BTBD8: variants seen among roughly 807,000 people sequenced by gnomAD.
BTBD8 encodes the protein BTB/POZ domain-containing protein 8.
BTBD8 carries 110 observed loss-of-function variants against 162.9 expected under a neutral mutation model. The ratio of observed to expected loss-of-function variants is 0.68; its 90% CI spans 0.58 to 0.79. The LOEUF (loss-of-function observed/expected upper bound fraction) is 0.79. Among genes scored for constraint, BTBD8 ranks in the 30% least tolerant of loss-of-function variants. The probability of loss-of-function intolerance (pLI) is 0.00; values close to 1 mark genes in which losing one functional copy is unlikely to be tolerated. For synonymous variants in BTBD8, 667 were observed against 716.1 expected (o/e 0.93, Z 1.10); for missense variants, 1,905 against 2,085.4 (o/e 0.91, Z 1.68).
intron 9 of BTBD8, among the ~76,000 whole-genome samples, chr1:92,154,469 T>C (rs995866694): frequency 2.0e-5 from 3 of 152,170 alleles, no homozygotes; most frequent in Non-Finnish European, 2.9e-5. Context: ...TTTTTGATCA[T>C]AGCCATCCAA....
At position 92,184,329 on chromosome 1, in the gene BTBD8, A is replaced by G. The variant is rs759955825; in HGVS notation, c.5378A>G (p.Ter1793=). 2 of 1,533,246 alleles carry G rather than the reference A, an allele frequency of 1.3e-6. No homozygotes were observed. Among genetic ancestry groups the G allele is most frequent in the South Asian group, 1.2e-5 (1 of 81,608 alleles). 95.0% of individuals were successfully genotyped at this position (1,533,246 alleles called of 1,614,324 possible). ...WTILELETQH[*] ...ATTCTGGAACTGGAAACTCAGCATT[A>G]AGTGTTAACATTTTGGAAAAATTTA... Residue 1793 remains the stop codon, a stop_retained_variant, in exon 18 of 18, where the codon TAA becomes TGA. Transcript: ENST00000636805.
At chr1:92,143,845 A>G (rs1015281654) in intron 7 of BTBD8, among the ~76,000 whole-genome samples, 4 of 151,518 alleles carry the variant, frequency 2.6e-5, no homozygotes, top group African/African-American at 9.7e-5. Flanking sequence ...TGCTGTGGTA[A>G]CAGATATTTG....
Position 92,184,131 on chromosome 1 carries a change from A to G in BTBD8, c.5180A>G (p.Tyr1727Cys). The change falls in exon 18 of 18, where the codon TAT becomes TGT. Residue 1727 changes from tyrosine to cysteine, a missense_variant. Physicochemically the swap from Tyr to Cys is radical, Grantham distance 194. This residue lies in a region of BTBD8 where 517 missense variants were observed against 606.6 expected (regional missense o/e 0.85). Coordinates refer to ENST00000636805, the MANE Select transcript of BTBD8 (RefSeq NM_001376131.1). ...SVPEDLSLAQ[Y>C]LINQTLLLAR... Reference sequence around the variant, plus strand: ...CCTGAAGACTTAAGTTTAGCACAGTATCTAATCAATCAGACACTACTTTTA... The same window carrying G: ...CCTGAAGACTTAAGTTTAGCACAGTGTCTAATCAATCAGACACTACTTTTA... 4 of 1,551,660 alleles carry G rather than the reference A, an allele frequency of 2.6e-6. No homozygotes were observed. The highest frequency in any genetic ancestry group is 2.4e-5 in the South Asian group (2 of 84,062).
At chr1:92,089,973 C>G (rs981406983) in intron 2 of BTBD8, among the ~76,000 whole-genome samples, 2 of 152,122 alleles carry the variant, frequency 1.3e-5, no homozygotes, top group African/African-American at 4.8e-5. Context: ...TCATTCTGTA[C>G]TTTATTTCTT....
chr1:92,097,371 TCTA>T lies in BTBD8; in HGVS notation c.348-5099_348-5097del, dbSNP rs534268012. Among the ~76,000 whole-genome samples, 19 of 152,284 alleles carry T rather than the reference TCTA, an allele frequency of 1.2e-4. No individual in the cohort carries two copies. The East Asian group carries it at 1.7e-3, about 14-fold the overall frequency. On this transcript the variant is annotated intron_variant, in intron 2 of 17. Coordinates refer to ENST00000636805, the MANE Select transcript of BTBD8 (RefSeq NM_001376131.1). ...ACTCTTGCCAATTCGTTTCCTCCCATCTACTCTTTTTTTAATGGATATAATTTT... is the reference window on the plus strand; with the variant it reads ...ACTCTTGCCAATTCGTTTCCTCCCATCTCTTTTTTTAATGGATATAATTTT...
In BTBD8 at chr1:92,121,550, C is replaced by T. The variant is rs115698490; in HGVS notation, c.663-8137C>T. Among the ~76,000 whole-genome samples, 268 of 152,154 alleles carry T rather than the reference C, an allele frequency of 1.8e-3. 3 individuals carry two copies. Among genetic ancestry groups the T allele is most frequent in the African/African-American group, 5.9e-3 (246 of 41,514 alleles). ...TTCTTTCTTGAGTAAATTTTGTTTT[C>T]ATTCTTTTTTTATAGTTAAGTATAT... On this transcript the variant is annotated intron_variant, in intron 4 of 17. Transcript: ENST00000636805.
At position 92,115,322 on chromosome 1, in the gene BTBD8, T is replaced by C; in HGVS notation, c.662+7321T>C. On this transcript the variant is annotated intron_variant, in intron 4 of 17. Coordinates refer to ENST00000636805, the MANE Select transcript of BTBD8 (RefSeq NM_001376131.1). ...ATGATGCCAGAGTTGTTATGGATGA[T>C]CTTGACCAGGGAGCTAAGCAGTTGG... 4.4e-6 allele frequency: 2 copies of C among 455,270 alleles called. 1 individual carries two copies. Among genetic ancestry groups the C allele is most frequent in the South Asian group, 3.7e-5 (2 of 54,128 alleles). 28.2% of individuals were successfully genotyped at this position (455,270 alleles called of 1,614,324 possible).
At chr1:92,161,122 C>T (rs1436883614) in intron 9 of BTBD8, among the ~76,000 whole-genome samples, 3 of 152,196 alleles carry the variant, frequency 2.0e-5, no homozygotes, top group South Asian at 2.1e-4. Flanking sequence ...GTTTCATGCT[C>T]ATCCTCAGTG....
At chr1:92,092,671 A>G (rs530536965) in intron 2 of BTBD8, among the ~76,000 whole-genome samples, 1 of 152,308 alleles carries the variant, frequency 6.6e-6, no homozygotes, top group East Asian at 1.9e-4. Flanking sequence ...TCTCAGTTCT[A>G]TACCACCGGT....
chr1:92,139,932 C>CAAAAAAAAAAAAAAAAAAAAAAA (rs748883480), intron 6 of BTBD8: 1 of 18,216 alleles, frequency 5.5e-5, no homozygotes, highest in African/African-American at 1.6e-4. Context: ...ACTAAAAATA[C>CAAAAAAAAAAAAAAAAAAAAAAA]AAAAAAAAAA....
intron 9 of BTBD8, among the ~76,000 whole-genome samples, chr1:92,159,423 C>A (rs1650236747): frequency 6.6e-6 from 1 of 152,116 alleles, no homozygotes; most frequent in Non-Finnish European, 1.5e-5. Flanking sequence ...GTGATCTTCC[C>A]ACCTTAGCCT....
At chr1:92,116,057 A>C (rs555157384) in intron 4 of BTBD8, among the ~76,000 whole-genome samples, 3 of 152,186 alleles carry the variant, frequency 2.0e-5, no homozygotes, top group African/African-American at 7.2e-5. Flanking sequence ...TTTTCACTCA[A>C]ATAAATGTAT....
intron 9 of BTBD8, among the ~76,000 whole-genome samples, chr1:92,148,329 T>C (rs982531615): frequency 2.0e-5 from 3 of 152,202 alleles, no homozygotes; most frequent in Non-Finnish European, 4.4e-5. Context: ...TATCATGATA[T>C]TCCACACAGC....
chr1:92,119,640 T>C (rs1314926613), intron 4 of BTBD8, among the ~76,000 whole-genome samples: 2 of 151,148 alleles, frequency 1.3e-5, no homozygotes, highest in African/African-American at 4.8e-5. Context: ...TTCTTTTTTT[T>C]TTTTGAGACG....
rs144314437 is a variant in BTBD8 at position 92,166,559 on chromosome 1, A to G, written c.1123-399A>G. ...CCTCCCTCAGCCTCCCGAGTAGCTG[A>G]GATTACAGGCATGCACCACCATGCC... On this transcript the variant is annotated intron_variant, in intron 9 of 17. Transcript: ENST00000636805. 1.8e-3 allele frequency among the ~76,000 whole-genome samples: 266 copies of G among 150,826 alleles called. 3 individuals carry two copies. Among genetic ancestry groups the G allele is most frequent in the African/African-American group, 5.9e-3 (243 of 41,016 alleles).
In BTBD8 at chr1:92,084,685, C is replaced by T. The variant is rs917093309; in HGVS notation, c.149+3965C>T. On this transcript the variant is annotated intron_variant, in intron 1 of 17. Transcript: ENST00000636805. Reference sequence around the variant, plus strand: ...CTGGACTCTCTCCCCTGTATGTAAGCCCCTAATAAAAGCCCATATCTTGTT... The same window carrying T: ...CTGGACTCTCTCCCCTGTATGTAAGTCCCTAATAAAAGCCCATATCTTGTT... Among the ~76,000 whole-genome samples, 5 of 152,274 alleles carry T rather than the reference C, an allele frequency of 3.3e-5. 1 individual carries two copies. The highest frequency in any genetic ancestry group is 3.3e-4 in the Admixed American group (5 of 15,290).
intron 4 of BTBD8, among the ~76,000 whole-genome samples, chr1:92,121,087 T>A (rs1437505993): frequency 6.6e-6 from 1 of 152,210 alleles, no homozygotes; most frequent in Admixed American, 6.5e-5. Flanking sequence ...ATTTTTAAAA[T>A]CCTAAATTGG....
At chr1:92,128,461 G>T (rs1390059471) in intron 4 of BTBD8, among the ~76,000 whole-genome samples, 1 of 151,968 alleles carries the variant, frequency 6.6e-6, no homozygotes, top group African/African-American at 2.4e-5. Flanking sequence ...TGTGTTTTTG[G>T]TAGAGACAGG....
intron 9 of BTBD8, among the ~76,000 whole-genome samples, chr1:92,155,904 G>T (rs754711780): frequency 6.6e-6 from 1 of 152,100 alleles, no homozygotes; most frequent in Non-Finnish European, 1.5e-5. Flanking sequence ...TTCCTTTACA[G>T]TTTGGATGCC....
Sources: gnomAD v4.1 joint callset for allele counts (sites outside exome capture counted in the v4.1 genomes callset) on GRCh38, gnomAD v4.1.1 for gene constraint, gnomAD v4.1.1 regional missense constraint, MANE v1.5 for transcripts, NCBI Gene and HGNC (gene_info 2026-07-23, HGNC 2026-07-21) for gene names.